The following CTNNA2 variants were observed in gnomAD, a reference collection of about 807,000 sequenced individuals.
The protein encoded by CTNNA2 is catenin alpha 2, also known as catenin alpha-2.
A neutral mutation model predicts 101.0 loss-of-function variants in CTNNA2; 42 were observed. That is an observed-to-expected ratio of 0.42 (90% CI 0.32 to 0.54). CTNNA2 has a LOEUF of 0.54. Among genes scored for constraint, CTNNA2 ranks in the 20% least tolerant of loss-of-function variants. CTNNA2 has a pLI of 0.14. For synonymous variants in CTNNA2, 450 were observed against 456.4 expected (o/e 0.99, Z 0.18); for missense variants, 871 against 1,223.1 (o/e 0.71, Z 4.29).
At chr2:80,530,193 G>T (rs1022229488) in intron 9 of CTNNA2, among the ~76,000 whole-genome samples, 4 of 152,168 alleles carry the variant, frequency 2.6e-5, no homozygotes, top group Admixed American at 6.5e-5. Flanking sequence ...CTTTCTGAGA[G>T]GGCGTGAAAT....
chr2:79,805,391 A>G (rs191392624), intron 3 of CTNNA2, among the ~76,000 whole-genome samples: 130 of 152,296 alleles, frequency 8.5e-4, no homozygotes, highest in Non-Finnish European at 4.4e-5. Context: ...TGTGCGTGGA[A>G]CAAAGTTTTG....
chr2:79,342,608 A>G (rs527248821), intron 3 of CTNNA2, among the ~76,000 whole-genome samples: 2 of 152,288 alleles, frequency 1.3e-5, no homozygotes, highest in African/African-American at 4.8e-5. Context: ...TACATTTGCA[A>G]TTAGTTTATC....
intron 4 of CTNNA2, among the ~76,000 whole-genome samples, chr2:79,461,722 T>C (rs1670881500): frequency 6.6e-6 from 1 of 152,074 alleles, no homozygotes; most frequent in African/African-American, 2.4e-5. Flanking sequence ...CAAGTTAACA[T>C]GTGACCCTAA....
rs1028160749 is a variant in CTNNA2, at chr2:79,817,513, C to G, written c.299-40500C>G. Reference sequence around the variant, plus strand: ...GCACTTCCACTCCTCTGGCAGCACTCTAACCACATTGAACCATGTGTTGTA... The same window carrying G: ...GCACTTCCACTCCTCTGGCAGCACTGTAACCACATTGAACCATGTGTTGTA... On this transcript the variant is annotated intron_variant, in intron 3 of 18. Coordinates refer to ENST00000402739, the MANE Select transcript of CTNNA2 (RefSeq NM_001282597.3). 3.3e-5 allele frequency among the ~76,000 whole-genome samples: 5 copies of G among 152,092 alleles called. No individual in the cohort carries two copies. The East Asian group carries it at 9.7e-4, about 30-fold the overall frequency.
intron 1 of CTNNA2, among the ~76,000 whole-genome samples, chr2:79,522,292 C>G (rs865845339): frequency 4.6e-5 from 7 of 152,290 alleles, no homozygotes; most frequent in Middle Eastern, 6.8e-3. Context: ...CCTCAGATTT[C>G]TGGTCATATG....
intron 7 of CTNNA2, among the ~76,000 whole-genome samples, chr2:80,035,533 T>C (rs1695593098): frequency 6.6e-6 from 1 of 152,208 alleles, no homozygotes; most frequent in Admixed American, 6.5e-5. Flanking sequence ...ATTTATTTGC[T>C]ATAGTTCACC....
intron 1 of CTNNA2, among the ~76,000 whole-genome samples, chr2:79,650,615 G>A (rs1002301752): frequency 6.4e-5 from 9 of 140,072 alleles, no homozygotes; most frequent in African/African-American, 2.4e-4. Flanking sequence ...TCCTCTCTGT[G>A]TTTCTTTTTT....
intron 7 of CTNNA2, among the ~76,000 whole-genome samples, chr2:79,918,101 A>T (rs1012156008): frequency 3.3e-5 from 5 of 152,054 alleles, no homozygotes; most frequent in African/African-American, 1.2e-4. Context: ...GTGAAAAAAC[A>T]GTATTGAACA....
chr2:79,803,178 T>A (rs1339904933), intron 3 of CTNNA2, among the ~76,000 whole-genome samples: 6 of 152,218 alleles, frequency 3.9e-5, no homozygotes, highest in Admixed American at 3.9e-4. Flanking sequence ...TCTTCATTCA[T>A]ACTCTTCTTT....
intron 7 of CTNNA2, among the ~76,000 whole-genome samples, chr2:80,081,352 A>ATTT (rs1699131532): frequency 6.6e-6 from 1 of 151,596 alleles, no homozygotes; most frequent in Non-Finnish European, 1.5e-5. Context: ...ATGAATTTAA[A>ATTT]TTTTAAATGG....
At chr2:80,018,537 G>A (rs1169335362) in intron 7 of CTNNA2, among the ~76,000 whole-genome samples, 1 of 152,148 alleles carries the variant, frequency 6.6e-6, no homozygotes, top group African/African-American at 2.4e-5. Context: ...AGCACTTTGG[G>A]AGGCCGAGGC....
chr2:80,517,032 T>C (rs1390529114), intron 9 of CTNNA2, among the ~76,000 whole-genome samples: 1 of 152,124 alleles, frequency 6.6e-6, no homozygotes, highest in African/African-American at 2.4e-5. Flanking sequence ...ACAATCCTCC[T>C]GTTTGTCTGA....
At chr2:79,360,033 A>G (rs1677593234) in intron 3 of CTNNA2, among the ~76,000 whole-genome samples, 1 of 152,204 alleles carries the variant, frequency 6.6e-6, no homozygotes, top group African/African-American at 2.4e-5. Flanking sequence ...TCAACACATA[A>G]AAACTATATA....
chr2:80,277,276 C>A (rs1466083768), intron 7 of CTNNA2, among the ~76,000 whole-genome samples: 2 of 152,078 alleles, frequency 1.3e-5, no homozygotes, highest in Non-Finnish European at 2.9e-5. Flanking sequence ...TCAGGAAGCT[C>A]CACAGATCCT....
intron 2 of CTNNA2, among the ~76,000 whole-genome samples, chr2:79,706,366 A>C (rs1685377466): frequency 3.0e-5 from 1 of 33,568 alleles, no homozygotes; most frequent in Non-Finnish European, 6.4e-5. Context: ...CCGTCTCAAA[A>C]AAAAAAAAAA....
chr2:80,387,648 A>G (rs1677140087), intron 7 of CTNNA2, among the ~76,000 whole-genome samples: 1 of 152,240 alleles, frequency 6.6e-6, no homozygotes, highest in African/African-American at 2.4e-5. Flanking sequence ...CAAACGAAAT[A>G]TAAAGGTCTT....
chr2:79,564,268 T>A (rs1674972151), intron 1 of CTNNA2, among the ~76,000 whole-genome samples: 2 of 150,582 alleles, frequency 1.3e-5, no homozygotes, highest in Non-Finnish European at 3.0e-5. Context: ...TATTTTAAAT[T>A]TAAAATTTAA....
rs373066869 is a variant in CTNNA2, at chr2:79,782,773, AG to A, written c.298+38192del. 3.8e-3 allele frequency among the ~76,000 whole-genome samples: 581 copies of A among 152,288 alleles called. 3 individuals carry two copies. The highest frequency in any genetic ancestry group is 0.013 in the African/African-American group (538 of 41,558). On this transcript the variant is annotated intron_variant, in intron 3 of 18. Coordinates refer to ENST00000402739, the MANE Select transcript of CTNNA2 (RefSeq NM_001282597.3). ...AATGCAGCAGCTATTGAGCAGCACAAGCCCTACTACCGGTCAGTTTGGGGCC... is the reference window on the plus strand; with the variant it reads ...AATGCAGCAGCTATTGAGCAGCACAACCCTACTACCGGTCAGTTTGGGGCC...
At chr2:80,379,492 T>G (rs928431534) in intron 7 of CTNNA2, among the ~76,000 whole-genome samples, 1 of 152,060 alleles carries the variant, frequency 6.6e-6, no homozygotes, top group Admixed American at 6.5e-5. Context: ...ATCTCTTGGG[T>G]TTTTTTAGAT....
Sources: allele counts gnomAD v4.1 joint callset (sites outside exome capture counted in the v4.1 genomes callset), GRCh38; gene constraint gnomAD v4.1.1; transcripts MANE v1.5; gene names NCBI Gene and HGNC (gene_info 2026-07-23, HGNC 2026-07-21).